Variants in PPP1R12A observed in about 807,000 individuals in gnomAD.
PPP1R12A encodes the protein myosin binding subunit.
In PPP1R12A, 19 loss-of-function variants were observed where a neutral mutation model predicts 139.6. The ratio of observed to expected loss-of-function variants is 0.14; its 90% CI spans 0.09 to 0.20. The LOEUF (loss-of-function observed/expected upper bound fraction) is 0.20. Ranked by LOEUF, PPP1R12A falls within the 10% of genes least tolerant of loss-of-function variation. The pLI is 1.00. For synonymous variants in PPP1R12A, 427 were observed against 420.6 expected, an observed-to-expected ratio of 1.02 and a Z score of -0.19; for missense variants, 925 against 1,211.5, an observed-to-expected ratio of 0.76 and a Z score of 3.51.
chr12:79,880,309 T>C (rs1393780658), intron 1 of PPP1R12A, among the ~76,000 whole-genome samples: 2 of 152,122 alleles, frequency 1.3e-5, no homozygotes, highest in African/African-American at 2.4e-5. Flanking sequence ...TTGAAGATTA[T>C]ATAAGAGTTC....
intron 1 of PPP1R12A, among the ~76,000 whole-genome samples, chr12:79,930,056 C>T (rs1888132920): frequency 6.6e-6 from 1 of 152,118 alleles, no homozygotes; most frequent in Non-Finnish European, 1.5e-5. Flanking sequence ...TCCTCAGAGG[C>T]TACAAGGGAA....
chr12:79,824,485 C>T (rs918064330), intron 5 of PPP1R12A, among the ~76,000 whole-genome samples: 4 of 152,116 alleles, frequency 2.6e-5, no homozygotes, highest in Admixed American at 2.6e-4. Flanking sequence ...TTGGATCACT[C>T]TACTAACCTT....
chr12:79,921,698 T>C (rs983182278), intron 1 of PPP1R12A, among the ~76,000 whole-genome samples: 1 of 152,238 alleles, frequency 6.6e-6, no homozygotes, highest in Non-Finnish European at 1.5e-5. Context: ...GCTGGACATA[T>C]GATAAATGGT....
chr12:79,811,899 C>T (rs1303062327), intron 9 of PPP1R12A, among the ~76,000 whole-genome samples: 1 of 152,118 alleles, frequency 6.6e-6, no homozygotes, highest in African/African-American at 2.4e-5. Context: ...CGTTTTTTCC[C>T]CCATTATAAA....
chr12:79,882,631 C>T (rs1426281877), intron 1 of PPP1R12A, among the ~76,000 whole-genome samples: 1 of 152,174 alleles, frequency 6.6e-6, no homozygotes, highest in Non-Finnish European at 1.5e-5. Context: ...TTGGTTGATA[C>T]AGTGGCAGGG....
At chr12:79,802,710 G>T (rs759181135) in intron 14 of PPP1R12A, among the ~76,000 whole-genome samples, 1 of 152,114 alleles carries the variant, frequency 6.6e-6, no homozygotes, top group Non-Finnish European at 1.5e-5. Flanking sequence ...GAGCCCAGGA[G>T]GTCATGGCTG....
intron 23 of PPP1R12A, 38 bp downstream of exon 23, chr12:79,781,776 GA>G: frequency 7.7e-7 from 1 of 1,290,620 alleles, no homozygotes; most frequent in Non-Finnish European, 1.1e-6. Flanking sequence ...CCTAAAACAA[GA>G]AAGAAAAAAA....
chr12:79,898,215 C>T (rs1317413254), intron 1 of PPP1R12A, among the ~76,000 whole-genome samples: 8 of 152,094 alleles, frequency 5.3e-5, no homozygotes, highest in Admixed American at 2.6e-4. Flanking sequence ...TTTGGGAGGC[C>T]GAGGTGGGCG....
intron 19 of PPP1R12A, among the ~76,000 whole-genome samples, chr12:79,792,608 T>C (rs971138432): frequency 5.9e-5 from 9 of 152,158 alleles, no homozygotes; most frequent in African/African-American, 1.7e-4. Context: ...TCTTAACGTA[T>C]CTCATATGAT....
intron 23 of PPP1R12A, chr12:79,779,204 C>A: frequency 2.4e-6 from 2 of 822,316 alleles, no homozygotes; most frequent in Non-Finnish European, 3.5e-6. Context: ...AAAGCCAACA[C>A]ACAACACATT....
At chr12:79,924,258 A>C (rs1435976455) in intron 1 of PPP1R12A, among the ~76,000 whole-genome samples, 1 of 152,192 alleles carries the variant, frequency 6.6e-6, no homozygotes, top group Non-Finnish European at 1.5e-5. Context: ...AAAATCTTGA[A>C]TATGCTACAG....
At chr12:79,900,391 T>C (rs532632173) in intron 1 of PPP1R12A, among the ~76,000 whole-genome samples, 1 of 152,328 alleles carries the variant, frequency 6.6e-6, no homozygotes, top group African/African-American at 2.4e-5. Context: ...GGGATTTTTG[T>C]CTGCTTTGTG....
intron 1 of PPP1R12A, among the ~76,000 whole-genome samples, chr12:79,914,667 A>G (rs530154716): frequency 6.6e-5 from 10 of 152,218 alleles, no homozygotes; most frequent in Admixed American, 2.0e-4. Flanking sequence ...CAGCCCCATC[A>G]GCCACCATTG....
intron 11 of PPP1R12A, 134 bp downstream of exon 11, chr12:79,808,349 T>G: frequency 3.3e-6 from 2 of 611,648 alleles, no homozygotes; most frequent in African/African-American, 1.8e-5. Context: ...CCTGGTATTT[T>G]CTCCTTCAGG....
At chr12:79,913,717 AT>A (rs1387815717) in intron 1 of PPP1R12A, 4 of 152,168 alleles carry the variant, frequency 2.6e-5, no homozygotes, top group Non-Finnish European at 4.4e-5. Context: ...CAAACAGACA[AT>A]GCACACATAT....
At chr12:79,790,761 C>T (rs1283664393) in intron 19 of PPP1R12A, among the ~76,000 whole-genome samples, 1 of 152,104 alleles carries the variant, frequency 6.6e-6, no homozygotes, top group Non-Finnish European at 1.5e-5. Context: ...TTATCTAAAT[C>T]GTGAAATGAT....
At chr12:79,848,048 G>C (rs1377483475) in intron 2 of PPP1R12A, among the ~76,000 whole-genome samples, 1 of 152,126 alleles carries the variant, frequency 6.6e-6, no homozygotes, top group East Asian at 1.9e-4. Context: ...TCTGTAATAA[G>C]TTTGTTCTGG....
At chr12:79,894,137 C>T (rs1448382010) in intron 1 of PPP1R12A, among the ~76,000 whole-genome samples, 2 of 152,178 alleles carry the variant, frequency 1.3e-5, no homozygotes, top group Non-Finnish European at 2.9e-5. Flanking sequence ...CATAATGAGA[C>T]TGCTTTTAAG....
At chr12:79,875,349 A>T (rs1882998374) in intron 1 of PPP1R12A, among the ~76,000 whole-genome samples, 1 of 152,140 alleles carries the variant, frequency 6.6e-6, no homozygotes, top group African/African-American at 2.4e-5. Flanking sequence ...GACTTGGGGG[A>T]TTGGGAAGGT....
Sources: allele counts gnomAD v4.1 joint callset (sites outside exome capture counted in the v4.1 genomes callset), GRCh38; gene constraint gnomAD v4.1.1; transcripts MANE v1.5; gene names NCBI Gene and HGNC (gene_info 2026-07-23, HGNC 2026-07-21).